KDR: variants seen among roughly 807,000 people sequenced by gnomAD.
The protein encoded by KDR is vascular endothelial growth factor receptor 2.
A neutral mutation model predicts 160.9 loss-of-function variants in KDR; 43 were observed. That is an observed-to-expected ratio of 0.27 (90% confidence interval 0.21 to 0.34). The LOEUF (loss-of-function observed/expected upper bound fraction) is 0.34, where lower values mean the gene tolerates loss of function less well. Among genes scored for constraint, KDR ranks in the 10% least tolerant of loss-of-function variants. The pLI is 1.00. For missense variants in KDR, 1,469 were observed against 1,666.4 expected (o/e 0.88, Z 2.06); for synonymous variants, 617 against 600.1 (o/e 1.03, Z -0.41).
intron 22 of KDR, among the ~76,000 whole-genome samples, chr4:55,091,653 G>T (rs1489201038): frequency 6.6e-6 from 1 of 152,058 alleles, no homozygotes; most frequent in African/African-American, 2.4e-5. Context: ...GCTATGAGAA[G>T]GGGAAAACAT....
Position 55,125,426 on chromosome 4 carries a change from TAGGG to T in KDR, c.-137_-134del. On this transcript the variant is annotated 5_prime_UTR_variant, in exon 1 of 30. An upstream open reading frame in the 5' UTR loses its in-frame stop. Coordinates refer to ENST00000263923, the MANE Select transcript of KDR (RefSeq NM_002253.4). The stretch of plus-strand genomic sequence containing the variant: ...CGCAGGACAGTTGAGCGCACAGGGC[TAGGG>T]AGCCCGGGCGCCGACCGCGGCTGCA... 8.5e-7 allele frequency: 1 copy of T among 1,181,330 alleles called. No individual in the cohort carries two copies. The highest frequency in any genetic ancestry group is 1.2e-6 in the Non-Finnish European group (1 of 831,982). The allele number at this position is 1,181,330 out of a possible 1,614,324, so 73.2% of individuals were successfully genotyped here.
intron 6 of KDR, among the ~76,000 whole-genome samples, chr4:55,113,888 C>A (rs1232153262): frequency 6.6e-6 from 1 of 152,172 alleles, no homozygotes; most frequent in Non-Finnish European, 1.5e-5. Flanking sequence ...ATATTCATAG[C>A]CTGGCTATTG....
Position 55,082,002 on chromosome 4 carries a change from C to G in KDR, c.3802G>C (p.Glu1268Gln), listed in dbSNP as rs1719745695. The G allele has an allele frequency of 6.2e-7, 1 of 1,613,970 alleles. No homozygotes were observed. The highest frequency in any genetic ancestry group is 8.5e-7 in the Non-Finnish European group (1 of 1,179,838). ...TDSGMVLASE[E>Q]LKTLEDRTKL... ...GTTCTGTCTTCCAAAGTTTTCAGCT[C>G]TTCTGAGGCAAGAACCATACCACTG... The change falls in exon 29 of 30, where the codon GAG (glutamate) becomes CAG (glutamine). Residue 1268 changes from glutamate (E) to glutamine (Q), a missense_variant. Around this residue, in one of 7 missense-constraint regions of KDR, gnomAD observed 229 missense variants for 197.8 expected, o/e 1.16. Transcript: ENST00000263923.
chr4:55,113,780 C>T (rs888435880), intron 6 of KDR, among the ~76,000 whole-genome samples: 3 of 152,186 alleles, frequency 2.0e-5, no homozygotes, highest in African/African-American at 7.2e-5. Context: ...CATGCCACCT[C>T]TTAAAGAGAA....
chr4:55,122,921 C>G (rs548935277), intron 1 of KDR: 1 of 151,960 alleles, frequency 6.6e-6, no homozygotes, highest in Non-Finnish European at 1.5e-5. Flanking sequence ...GTACTTTGTG[C>G]GTGGAACGGG....
intron 3 of KDR, among the ~76,000 whole-genome samples, chr4:55,117,703 C>A (rs1720768996): frequency 6.6e-6 from 1 of 152,200 alleles, no homozygotes; most frequent in South Asian, 2.1e-4. Flanking sequence ...GTCTCAAATA[C>A]TCTGGGATGT....
chr4:55,080,003 C>T lies in KDR; in HGVS notation c.4009G>A (p.Gly1337Ser), dbSNP rs764132797. 13 of 1,614,128 alleles carry T rather than the reference C, an allele frequency of 8.1e-6. No homozygotes were observed. Among genetic ancestry groups the T allele is most frequent in the South Asian group, 1.1e-5 (1 of 91,070 alleles). ...LKLIEIGVQTGSTAQILQPDS... is the reference protein window; with the variant it reads ...LKLIEIGVQTSSTAQILQPDS... ...GGCTGGAGAATCTGGGCTGTGCTAC[C>T]GGTTTGCACTCCAATCTCTATCAGC... Residue 1337 changes from glycine (G) to serine (S), a missense_variant, in exon 30 of 30, where the codon GGT (glycine) becomes AGT (serine). Transcript: ENST00000263923.
chr4:55,118,531 A>G (rs952225197), intron 3 of KDR, 73 bp downstream of exon 3: 12 of 1,206,540 alleles, frequency 9.9e-6, no homozygotes, highest in Non-Finnish European at 1.5e-5. Context: ...GTTGTACTCA[A>G]TTCTTCTTTG....
chr4:55,113,217 A>G (rs1354182675), intron 7 of KDR, 87 bp downstream of exon 7: 2 of 1,394,418 alleles, frequency 1.4e-6, no homozygotes, highest in Admixed American at 1.7e-5. Flanking sequence ...TTCTGAATGA[A>G]CAAAATAGGA....
At chr4:55,101,816 A>G (rs1385399132) in intron 15 of KDR, 81 bp downstream of exon 15, 1 of 1,252,076 alleles carries the variant, frequency 8.0e-7, no homozygotes, top group Non-Finnish European at 1.2e-6. Context: ...TGCAGCTGCA[A>G]AGGACATGAT....
At chr4:55,085,572 A>G (rs1410796171) in intron 27 of KDR, among the ~76,000 whole-genome samples, 1 of 152,240 alleles carries the variant, frequency 6.6e-6, no homozygotes, top group Non-Finnish European at 1.5e-5. Flanking sequence ...CCGTGTGCAA[A>G]TGCCTCTATC....
intron 22 of KDR, 80 bp from the exon 23 acceptor site, chr4:55,090,158 A>C: frequency 5.1e-6 from 8 of 1,556,018 alleles, no homozygotes; most frequent in East Asian, 2.2e-5. Flanking sequence ...TGCATCAAAA[A>C]AAAATCCCAC....
At position 55,102,428 on chromosome 4, in the gene KDR, C is replaced by A. The variant is rs199504669; in HGVS notation, c.2068G>T (p.Ala690Ser). 1.1e-5 allele frequency: 18 copies of A among 1,613,494 alleles called. No individual in the cohort carries two copies. Among genetic ancestry groups the A allele is most frequent in the Non-Finnish European group, 1.4e-5 (16 of 1,179,614 alleles). Reference protein sequence around the residue: ...IGESIEVSCTASGNPPPQIMW... With the variant: ...IGESIEVSCTSSGNPPPQIMW... ...ATCTGTGGAGGGGGATTCCCAGATG[C>A]CGTGCATGAGACTTCGATGCTTTCC... The change falls in exon 14 of 30, where the codon GCA (alanine) becomes TCA (serine). Residue 690 changes from alanine to serine, a missense_variant. By Grantham distance (99) the Ala-to-Ser change is moderately conservative. Coordinates refer to ENST00000263923, the MANE Select transcript of KDR (RefSeq NM_002253.4).
At chr4:55,103,437 A>G (rs1720364387) in intron 13 of KDR, among the ~76,000 whole-genome samples, 1 of 152,206 alleles carries the variant, frequency 6.6e-6, no homozygotes, top group African/African-American at 2.4e-5. Context: ...ACAAGTTAGG[A>G]GTCCTTAGGG....
At chr4:55,091,098 A>T (rs112999836) in intron 22 of KDR, among the ~76,000 whole-genome samples, 1 of 151,976 alleles carries the variant, frequency 6.6e-6, no homozygotes, top group Non-Finnish European at 1.5e-5. Flanking sequence ...GGTGATCCAC[A>T]CACCTTGGCC....
chr4:55,097,593 C>G, intron 18 of KDR, 69 bp downstream of exon 18: 1 of 1,027,226 alleles, frequency 9.7e-7, no homozygotes, highest in Non-Finnish European at 1.5e-6. Context: ...GCTACTGATA[C>G]AAGCCTTGCA....
At chr4:55,104,105 GC>G (rs1720378686) in intron 13 of KDR, among the ~76,000 whole-genome samples, 1 of 152,142 alleles carries the variant, frequency 6.6e-6, no homozygotes, top group South Asian at 2.1e-4. Flanking sequence ...CTTAAACGCA[GC>G]CCATCATCCC....
In KDR at chr4:55,081,186, G is replaced by T. The variant is rs750653837; in HGVS notation, c.3848+770C>A. Among the ~76,000 whole-genome samples the T allele has an allele frequency of 5.4e-4, 82 of 151,686 alleles. 1 individual carries two copies. Among genetic ancestry groups the T allele is most frequent in the Non-Finnish European group, 1.6e-4 (11 of 67,906 alleles). ...CAATGGCACCTTTTAATATGTTGGG[G>T]TTTTTTTTGTTTGTTTTCTTTTTGG... On this transcript the variant is annotated intron_variant, in intron 29 of 29. Coordinates refer to ENST00000263923, the MANE Select transcript of KDR (RefSeq NM_002253.4).
At chr4:55,098,397 G>C (rs1215126933) in intron 16 of KDR, 125 bp from the exon 17 acceptor site, 89 of 1,182,472 alleles carry the variant, frequency 7.5e-5, no homozygotes, top group Non-Finnish European at 1.1e-4. Context: ...CATGGAGTTT[G>C]AGAGTGGTCC....
Sources: allele counts gnomAD v4.1 joint callset (sites outside exome capture counted in the v4.1 genomes callset), GRCh38; gene constraint gnomAD v4.1.1; regional missense constraint gnomAD v4.1.1; transcripts MANE v1.5; gene names NCBI Gene and HGNC (gene_info 2026-07-23, HGNC 2026-07-21).